The following DISC1 variants were observed in gnomAD, a reference collection of about 807,000 sequenced individuals.
DISC1 encodes disrupted in schizophrenia 1 protein.
Under a neutral mutation model 84.5 loss-of-function variants are expected in DISC1, and 57 were observed. The observed-to-expected ratio is 0.67, with a 90% CI of 0.55 to 0.84. DISC1 has a LOEUF of 0.84. Among genes scored for constraint, DISC1 ranks in the 40% least tolerant of loss-of-function variants. DISC1 has a pLI of 0.00. For synonymous variants in DISC1, 411 were observed against 415.2 expected (o/e 0.99, Z 0.12); for missense variants, 1,000 against 1,057.8 (o/e 0.95, Z 0.76).
At chr1:231,960,070 C>T (rs1395536514) in intron 10 of DISC1, among the ~76,000 whole-genome samples, 1 of 152,152 alleles carries the variant, frequency 6.6e-6, no homozygotes, top group East Asian at 1.9e-4. Context: ...CACATAAAAA[C>T]TGCCTAACCT....
At chr1:231,794,288 C>T (rs1252176923) in intron 6 of DISC1, among the ~76,000 whole-genome samples, 1 of 151,414 alleles carries the variant, frequency 6.6e-6, no homozygotes, top group Non-Finnish European at 1.5e-5. Flanking sequence ...CACTTTTCAC[C>T]TCTTCTGGTA....
chr1:231,750,482 A>C, intron 4 of DISC1: 1 of 998,104 alleles, frequency 1.0e-6, no homozygotes, highest in Non-Finnish European at 1.2e-6. Flanking sequence ...CCTCCTCCTA[A>C]CTCTGCCCTC....
chr1:231,851,319 T>C (rs1381973520), intron 9 of DISC1, among the ~76,000 whole-genome samples: 1 of 152,198 alleles, frequency 6.6e-6, no homozygotes, highest in East Asian at 1.9e-4. Flanking sequence ...ATTCGCCGCC[T>C]TTCTCTAACT....
At chr1:231,956,880 T>C (rs1302196511) in intron 9 of DISC1, among the ~76,000 whole-genome samples, 1 of 152,186 alleles carries the variant, frequency 6.6e-6, no homozygotes, top group Non-Finnish European at 1.5e-5. Context: ...CCATGTGGCT[T>C]GGGCTTCCTC....
At position 231,764,987 on chromosome 1, in the gene DISC1, C is replaced by T. The variant is rs569906225; in HGVS notation, c.1269-2153C>T. On this transcript the variant is annotated intron_variant, in intron 4 of 12. Coordinates refer to ENST00000439617, the MANE Select transcript of DISC1 (RefSeq NM_018662.3). ...TGGGCGGATCATCAGGTCAGGAGAT[C>T]GAGACCATCCTGGCCAACAAGGTGA... 5.2e-3 allele frequency among the ~76,000 whole-genome samples: 790 copies of T among 152,016 alleles called. 8 individuals carry two copies. The highest frequency in any genetic ancestry group is 0.018 in the African/African-American group (738 of 41,442).
At position 231,749,997 on chromosome 1, in the gene DISC1, A is replaced by T. The variant is rs1255941008; in HGVS notation, c.1189A>T (p.Arg397Trp). The T allele has an allele frequency of 6.2e-7, 1 of 1,614,228 alleles. No homozygotes were observed. The highest frequency in any genetic ancestry group is 8.5e-7 in the Non-Finnish European group (1 of 1,180,036). The stretch of plus-strand genomic sequence containing the variant: ...CAGCCTGCACTTTCAACTTCCTTCA[A>T]GGCAGCCAGCTCTTAGCAGTTTCCT... ...KISLHFQLPS[R>W]QPALSSFLGH... The change falls in exon 4 of 13, where the codon AGG becomes TGG. Residue 397 changes from arginine to tryptophan, a missense_variant. Around this residue, in one of 3 missense-constraint regions of DISC1, gnomAD observed 311 missense variants for 400.1 expected, o/e 0.78. Coordinates refer to ENST00000439617, the MANE Select transcript of DISC1 (RefSeq NM_018662.3).
chr1:231,996,642 A>C (rs1357201472), intron 10 of DISC1, among the ~76,000 whole-genome samples: 1 of 152,022 alleles, frequency 6.6e-6, no homozygotes, highest in Admixed American at 6.6e-5. Flanking sequence ...AAACCTACAA[A>C]CTCACTGCCT....
At chr1:231,763,188 G>T (rs1053684723) in intron 4 of DISC1, among the ~76,000 whole-genome samples, 1 of 152,234 alleles carries the variant, frequency 6.6e-6, no homozygotes, top group South Asian at 2.1e-4. Context: ...AGCCTGATCC[G>T]CATTGACTCC....
intron 12 of DISC1, among the ~76,000 whole-genome samples, chr1:232,034,165 G>T (rs999958500): frequency 6.6e-6 from 1 of 152,060 alleles, no homozygotes; most frequent in Non-Finnish European, 1.5e-5. Flanking sequence ...ACCCCTACAG[G>T]CTCATTAAAT....
At chr1:231,851,746 G>A (rs1170962018) in intron 9 of DISC1, among the ~76,000 whole-genome samples, 2 of 152,188 alleles carry the variant, frequency 1.3e-5, no homozygotes, top group East Asian at 3.9e-4. Context: ...TCTTCATGTG[G>A]GCCAGTTGAG....
At chr1:231,730,734 C>G (rs4083969) in intron 3 of DISC1, among the ~76,000 whole-genome samples, 6,886 of 152,228 alleles carry the variant, frequency 0.045, 210 homozygotes, top group Middle Eastern at 0.11. Flanking sequence ...TTTAATTTCT[C>G]TCCTAGTTAG....
chr1:231,834,752 A>G (rs1261704222), intron 9 of DISC1, among the ~76,000 whole-genome samples: 2 of 151,456 alleles, frequency 1.3e-5, no homozygotes, highest in Non-Finnish European at 2.9e-5. Context: ...ACACGGAGAG[A>G]AGGGATGGGG....
In DISC1 at chr1:231,630,447, T is replaced by C. The variant is rs2058626026; in HGVS notation, c.67+3513T>C. On this transcript the variant is annotated intron_variant, in intron 1 of 12. Coordinates refer to ENST00000439617, the MANE Select transcript of DISC1 (RefSeq NM_018662.3). The surrounding 1 kb of genome is among the most constrained non-coding windows in gnomAD (Gnocchi z 4.4). ...TACCAGGATTACAGATGTGAACCAT[T>C]GCACCTGGCCAGAATCATTCTTTTG... is the stretch of plus-strand genomic sequence containing the variant. 6.6e-6 allele frequency among the ~76,000 whole-genome samples: 1 copy of C among 152,064 alleles called. No homozygotes were observed. The highest frequency in any genetic ancestry group is 6.6e-5 in the Admixed American group (1 of 15,266).
intron 1 of DISC1, among the ~76,000 whole-genome samples, chr1:231,690,326 G>C (rs1051680102): frequency 6.6e-6 from 1 of 152,294 alleles, no homozygotes; most frequent in African/African-American, 2.4e-5. Context: ...GCTGCGCCAG[G>C]CTCCCTTTCC....
At chr1:232,030,586 G>A (rs9699636) in intron 12 of DISC1, among the ~76,000 whole-genome samples, 28,591 of 152,042 alleles carry the variant, frequency 0.19, 2,744 homozygotes, top group Middle Eastern at 0.23. Flanking sequence ...TTTAGTTTTG[G>A]TGGTGCTTGA....
At chr1:231,917,988 T>C (rs2089752897) in intron 9 of DISC1, among the ~76,000 whole-genome samples, 1 of 152,234 alleles carries the variant, frequency 6.6e-6, no homozygotes, top group South Asian at 2.1e-4. Flanking sequence ...TGGCTTGTAG[T>C]TACACTACAA....
intron 3 of DISC1, among the ~76,000 whole-genome samples, chr1:231,731,150 G>A (rs550650388): frequency 2.0e-5 from 3 of 152,288 alleles, no homozygotes; most frequent in African/African-American, 7.2e-5. Context: ...TTCTGTTGTA[G>A]CCCAGTTTTT....
chr1:231,940,416 T>C (rs934079449), intron 9 of DISC1, among the ~76,000 whole-genome samples: 2 of 152,232 alleles, frequency 1.3e-5, no homozygotes, highest in African/African-American at 4.8e-5. Flanking sequence ...CAGTGTTGAT[T>C]TGCAGGCGCA....
chr1:231,630,010 C>T lies in DISC1; in HGVS notation c.67+3076C>T, dbSNP rs1390631528. ...GCAGTGGCACGATCTCGGCTCACTGCAACCTCTGCCTCCTGGGTTCAAGCG... is the reference window on the plus strand; with the variant it reads ...GCAGTGGCACGATCTCGGCTCACTGTAACCTCTGCCTCCTGGGTTCAAGCG... On this transcript the variant is annotated intron_variant, in intron 1 of 12. Transcript: ENST00000439617. This position sits in a 1 kb window ranked among gnomAD's most constrained non-coding sequence, Gnocchi z 4.4. Among the ~76,000 whole-genome samples, 1 of 152,192 alleles carries T rather than the reference C, an allele frequency of 6.6e-6. No individual in the cohort carries two copies. The highest frequency in any genetic ancestry group is 1.9e-4 in the East Asian group (1 of 5,192).
Sources: allele counts gnomAD v4.1 joint callset (sites outside exome capture counted in the v4.1 genomes callset), GRCh38; gene constraint gnomAD v4.1.1; regional missense constraint gnomAD v4.1.1; non-coding constraint Gnocchi (gnomAD v3.1); transcripts MANE v1.5; gene names NCBI Gene and HGNC (gene_info 2026-07-23, HGNC 2026-07-21).